RAPGEF5: variants seen among roughly 807,000 people sequenced by gnomAD.
RAPGEF5 encodes Rap guanine nucleotide exchange factor 5.
RAPGEF5 carries 65 observed loss-of-function variants against 125.2 expected under a neutral mutation model. That is an observed-to-expected ratio of 0.52 (90% CI 0.43 to 0.64). The LOEUF is 0.64. Ranked by LOEUF, RAPGEF5 falls within the 30% of genes least tolerant of loss-of-function variation. The pLI, the probability that RAPGEF5 is intolerant of heterozygous loss-of-function variation, is 0.00. For missense variants in RAPGEF5, 958 were observed against 1,048.1 expected (o/e 0.91, Z 1.19); for synonymous variants, 391 against 385.9 (o/e 1.01, Z -0.16).
intron 9 of RAPGEF5, among the ~76,000 whole-genome samples, chr7:22,200,585 T>C (rs1785253636): frequency 6.6e-6 from 1 of 152,212 alleles, no homozygotes; most frequent in Non-Finnish European, 1.5e-5. Flanking sequence ...TTCATCATCA[T>C]TTATAAAATC....
At chr7:22,233,803 G>A (rs188575666) in intron 7 of RAPGEF5, among the ~76,000 whole-genome samples, 1 of 152,120 alleles carries the variant, frequency 6.6e-6, no homozygotes, top group Non-Finnish European at 1.5e-5. Context: ...TGTCAGTCCT[G>A]TATTTATTTC....
intron 7 of RAPGEF5, among the ~76,000 whole-genome samples, chr7:22,259,133 A>C (rs1258925041): frequency 1.3e-5 from 2 of 151,098 alleles, no homozygotes; most frequent in Non-Finnish European, 1.5e-5. Flanking sequence ...TGTTATCCAA[A>C]ATATACAAAG....
intron 1 of RAPGEF5, among the ~76,000 whole-genome samples, chr7:22,344,168 G>C (rs962490490): frequency 6.6e-6 from 1 of 152,128 alleles, no homozygotes; most frequent in Non-Finnish European, 1.5e-5. Flanking sequence ...AAGAGGGATT[G>C]GGCCTCTCTG....
chr7:22,320,879 A>C (rs1314590749), intron 1 of RAPGEF5, among the ~76,000 whole-genome samples: 1 of 152,176 alleles, frequency 6.6e-6, no homozygotes, highest in African/African-American at 2.4e-5. Flanking sequence ...TCTTGATCCT[A>C]ATCTCCTTAT....
chr7:22,336,237 A>C (rs1205725140), intron 1 of RAPGEF5, among the ~76,000 whole-genome samples: 1 of 152,158 alleles, frequency 6.6e-6, no homozygotes, highest in Non-Finnish European at 1.5e-5. Context: ...GGTGACTGCC[A>C]CCTTACATCT....
Position 22,271,059 on chromosome 7 carries a change from A to G in RAPGEF5, c.748-4047T>C, listed in dbSNP as rs562768442. ...TTTTTCTCATGTTTCTTCTTTCCCA[A>G]TTGCTATTTGGTCACTACTTTTGGT... On this transcript the variant is annotated intron_variant, in intron 6 of 25. Transcript: ENST00000665637. Among the ~76,000 whole-genome samples the G allele has an allele frequency of 9.9e-5, 15 of 152,242 alleles. 1 individual carries two copies. In the East Asian group the frequency reaches 2.3e-3, roughly 24 times the overall value.
intron 1 of RAPGEF5, among the ~76,000 whole-genome samples, chr7:22,344,216 G>T (rs1295044526): frequency 6.6e-6 from 1 of 152,080 alleles, no homozygotes; most frequent in African/African-American, 2.4e-5. Context: ...TTCTGTTCAC[G>T]AGTTTCTTCT....
intron 1 of RAPGEF5, among the ~76,000 whole-genome samples, chr7:22,335,702 AAAC>A (rs1256410129): frequency 2.0e-5 from 2 of 102,476 alleles, no homozygotes; most frequent in Non-Finnish European, 4.3e-5. Flanking sequence ...AAAAAAAAAA[AAAC>A]AACAAAACAA....
rs868194078 is a variant in RAPGEF5 at position 22,307,653 on chromosome 7, T to C, written c.680+686A>G. Reference sequence around the variant, plus strand: ...TTTCTTATCTATGACATAAAGACCATACTGCTTGCCCCCGCTAATATCATA... The same window carrying C: ...TTTCTTATCTATGACATAAAGACCACACTGCTTGCCCCCGCTAATATCATA... On this transcript the variant is annotated intron_variant, in intron 5 of 25. Transcript: ENST00000665637. Among the ~76,000 whole-genome samples, 33 of 152,188 alleles carry C rather than the reference T, an allele frequency of 2.2e-4. 1 individual carries two copies. The highest frequency in any genetic ancestry group is 6.5e-4 in the African/African-American group (27 of 41,444).
chr7:22,243,002 AAAC>A (rs1416338036), intron 7 of RAPGEF5, among the ~76,000 whole-genome samples: 1 of 152,044 alleles, frequency 6.6e-6, no homozygotes, highest in Non-Finnish European at 1.5e-5. Flanking sequence ...TTCAAATCAG[AAAC>A]AACTACAATA....
At chr7:22,280,275 T>A (rs78667942) in intron 6 of RAPGEF5, among the ~76,000 whole-genome samples, 1 of 152,232 alleles carries the variant, frequency 6.6e-6, no homozygotes, top group Non-Finnish European at 1.5e-5. Flanking sequence ...AAGACCTTTC[T>A]TGATATGGCG....
Position 22,259,269 on chromosome 7 carries a change from G to T in RAPGEF5, c.796+7695C>A, listed in dbSNP as rs78753616. Among the ~76,000 whole-genome samples the T allele has an allele frequency of 3.1e-3, 466 of 152,258 alleles. 7 individuals are homozygous for T. In the East Asian group the frequency reaches 0.07, roughly 23 times the overall value. ...ATGCTCAACATCATATGTCATTAGG[G>T]AATTGTGAATGAAAACAAAGAGATA... On this transcript the variant is annotated intron_variant, in intron 7 of 25. Coordinates refer to ENST00000665637, the MANE Select transcript of RAPGEF5 (RefSeq NM_012294.5).
At chr7:22,301,315 G>C (rs572073058) in intron 5 of RAPGEF5, among the ~76,000 whole-genome samples, 1 of 152,076 alleles carries the variant, frequency 6.6e-6, no homozygotes, top group South Asian at 2.1e-4. Context: ...AAGGTTTGCA[G>C]CAAAAAAATT....
At chr7:22,329,444 G>A (rs1422601493) in intron 1 of RAPGEF5, among the ~76,000 whole-genome samples, 2 of 152,118 alleles carry the variant, frequency 1.3e-5, no homozygotes, top group Non-Finnish European at 2.9e-5. Context: ...CTACTTAAAA[G>A]GATTCCCCCC....
Position 22,121,917 on chromosome 7 carries a change from T to G in RAPGEF5, c.*489A>C, listed in dbSNP as rs1782592708. ...CACAGGTTGTATCAACAGAAACCTC[T>G]CCTCCCTGGAGATCTAGAGATGCTG... On this transcript the variant is annotated 3_prime_UTR_variant, in exon 26 of 26. Coordinates refer to ENST00000665637, the MANE Select transcript of RAPGEF5 (RefSeq NM_012294.5). 1.3e-5 allele frequency: 2 copies of G among 157,734 alleles called. No individual in the cohort carries two copies. Among genetic ancestry groups the G allele is most frequent in the Admixed American group, 6.1e-5 (1 of 16,460 alleles). The allele number at this position is 157,734 out of a possible 1,614,324, so 9.8% of individuals were successfully genotyped here. A position where few individuals can be genotyped will look rare whatever the true frequency, so the allele number is the denominator to read the frequency against.
At chr7:22,284,373 G>A (rs1166226442) in intron 6 of RAPGEF5, among the ~76,000 whole-genome samples, 27 of 152,098 alleles carry the variant, frequency 1.8e-4, no homozygotes, top group Admixed American at 1.7e-3. Flanking sequence ...CACAAGAAGA[G>A]AACGTAGTAT....
At chr7:22,246,864 A>G (rs1786491118) in intron 7 of RAPGEF5, among the ~76,000 whole-genome samples, 1 of 152,236 alleles carries the variant, frequency 6.6e-6, no homozygotes. Flanking sequence ...TCTATAAGGA[A>G]CTTAAACAAT....
intron 20 of RAPGEF5, among the ~76,000 whole-genome samples, chr7:22,144,387 C>T (rs1783361578): frequency 6.6e-6 from 1 of 152,142 alleles, no homozygotes; most frequent in Non-Finnish European, 1.5e-5. Context: ...AAGTAGTACC[C>T]CTGCATTTGA....
intron 1 of RAPGEF5, among the ~76,000 whole-genome samples, chr7:22,318,795 G>C (rs1017103075): frequency 6.6e-6 from 1 of 152,078 alleles, no homozygotes; most frequent in Non-Finnish European, 1.5e-5. Context: ...GCTGGGGTAC[G>C]CTCCTCTTTA....
Sources: allele counts gnomAD v4.1 joint callset (sites outside exome capture counted in the v4.1 genomes callset), GRCh38; gene constraint gnomAD v4.1.1; transcripts MANE v1.5; gene names NCBI Gene and HGNC (gene_info 2026-07-23, HGNC 2026-07-21).